Variants in WWOX observed in about 807,000 individuals in gnomAD.
WWOX encodes WW domain-containing oxidoreductase.
In WWOX, 69 loss-of-function variants were observed where a neutral mutation model predicts 46.2. The observed-to-expected ratio is 1.49, with a 90% CI of 1.23 to 1.82. The LOEUF (loss-of-function observed/expected upper bound fraction) is 1.82. Ranked by LOEUF, WWOX falls within the 40% of genes most tolerant of loss-of-function variation. The pLI, the probability that WWOX is intolerant of heterozygous loss-of-function variation, is 0.00. For synonymous variants in WWOX, 359 were observed against 202.6 expected, an observed-to-expected ratio of 1.77 and a Z score of -6.56; for missense variants, 919 against 542.6, an observed-to-expected ratio of 1.69 and a Z score of -6.89.
chr16:78,579,841 CTT>C (rs2045003654), intron 8 of WWOX, among the ~76,000 whole-genome samples: 1 of 152,162 alleles, frequency 6.6e-6, no homozygotes, highest in African/African-American at 2.4e-5. Flanking sequence ...GGAAATGTCT[CTT>C]CTTCTGAAAT....
chr16:78,725,243 C>T (rs1256464390), intron 8 of WWOX, among the ~76,000 whole-genome samples: 1 of 152,022 alleles, frequency 6.6e-6, no homozygotes, highest in African/African-American at 2.4e-5. Flanking sequence ...TGAGGTCTCC[C>T]CAGCCACGTG....
At chr16:78,910,568 C>T (rs982516274) in intron 8 of WWOX, among the ~76,000 whole-genome samples, 1 of 151,236 alleles carries the variant, frequency 6.6e-6, no homozygotes, top group African/African-American at 2.4e-5. Flanking sequence ...CTGAGAAAGA[C>T]ATACCCAAGA....
intron 5 of WWOX, among the ~76,000 whole-genome samples, chr16:78,328,644 A>T (rs1338552958): frequency 6.6e-6 from 1 of 152,192 alleles, no homozygotes; most frequent in African/African-American, 2.4e-5. Flanking sequence ...TAGTGCAATG[A>T]AAGTTACTAA....
At chr16:78,323,483 CAGTTTCTGCT>C (rs147350415) in intron 5 of WWOX, among the ~76,000 whole-genome samples, 4,211 of 152,200 alleles carry the variant, frequency 0.028, 189 homozygotes, top group South Asian at 0.17. Context: ...GGAGACCCAG[CAGTTTCTGCT>C]TTTTCTACCC....
intron 8 of WWOX, among the ~76,000 whole-genome samples, chr16:79,072,777 T>C (rs1183317408): frequency 6.6e-6 from 1 of 152,244 alleles, no homozygotes; most frequent in African/African-American, 2.4e-5. Context: ...ATATTTATCA[T>C]ACAACATAAT....
chr16:78,949,842 C>A (rs1283484075), intron 8 of WWOX, among the ~76,000 whole-genome samples: 1 of 152,246 alleles, frequency 6.6e-6, no homozygotes, highest in East Asian at 1.9e-4. Context: ...TCTGACATGT[C>A]ACTCCACATC....
At chr16:78,748,542 C>T (rs2049402740) in intron 8 of WWOX, among the ~76,000 whole-genome samples, 1 of 152,188 alleles carries the variant, frequency 6.6e-6, no homozygotes, top group South Asian at 2.1e-4. Flanking sequence ...GGCAGCAAGC[C>T]TGCTTTACCA....
intron 8 of WWOX, among the ~76,000 whole-genome samples, chr16:78,753,411 TGG>T (rs2049538008): frequency 6.6e-6 from 1 of 152,192 alleles, no homozygotes; most frequent in South Asian, 2.1e-4. Flanking sequence ...GTATTGGGGT[TGG>T]GAGGACCAGT....
intron 8 of WWOX, among the ~76,000 whole-genome samples, chr16:78,500,352 C>T (rs998783383): frequency 6.6e-6 from 1 of 152,220 alleles, no homozygotes. Context: ...TTTTACTCTG[C>T]ACAAAATACA....
At chr16:78,981,777 A>G (rs1431808495) in intron 8 of WWOX, 1 of 152,226 alleles carries the variant, frequency 6.6e-6, no homozygotes, top group African/African-American at 2.4e-5. Context: ...AGATACAACC[A>G]GCTCCGTTTC....
chr16:79,135,221 C>A (rs369888277), intron 8 of WWOX, among the ~76,000 whole-genome samples: 4 of 152,104 alleles, frequency 2.6e-5, no homozygotes, highest in Admixed American at 1.3e-4. Flanking sequence ...GATCCATACA[C>A]GTAAATATGC....
chr16:78,384,940 C>G (rs914274961), intron 5 of WWOX, among the ~76,000 whole-genome samples: 2 of 152,098 alleles, frequency 1.3e-5, no homozygotes, highest in African/African-American at 2.4e-5. Flanking sequence ...TTGAGACCAT[C>G]CTGGCCAACA....
chr16:78,287,939 C>T (rs2079796390), intron 5 of WWOX, among the ~76,000 whole-genome samples: 1 of 152,124 alleles, frequency 6.6e-6, no homozygotes, highest in Non-Finnish European at 1.5e-5. Context: ...TCTCTCTTTC[C>T]CTTTTATCAG....
chr16:78,330,292 C>A (rs145485938), intron 5 of WWOX, among the ~76,000 whole-genome samples: 1 of 151,920 alleles, frequency 6.6e-6, no homozygotes, highest in Admixed American at 6.6e-5. Flanking sequence ...AATTTTGTTA[C>A]GTATATTTTA....
At chr16:78,430,275 G>C in intron 7 of WWOX, among the ~76,000 whole-genome samples, 1 of 152,252 alleles carries the variant, frequency 6.6e-6, no homozygotes, top group Non-Finnish European at 1.5e-5. Flanking sequence ...TCTCCACCTG[G>C]CTCTGCCCTT....
At chr16:78,990,201 A>AAG (rs201589748) in intron 8 of WWOX, among the ~76,000 whole-genome samples, 4 of 150,154 alleles carry the variant, frequency 2.7e-5, no homozygotes, top group Non-Finnish European at 1.5e-5. Context: ...AAAAAAAAAA[A>AAG]AGAGAGAGAG....
intron 8 of WWOX, among the ~76,000 whole-genome samples, chr16:78,499,298 C>T (rs2084997466): frequency 1.3e-5 from 2 of 152,116 alleles, no homozygotes; most frequent in Non-Finnish European, 2.9e-5. Context: ...GGCCTTGCTT[C>T]TGGTGGTGGG....
chr16:78,210,474 G>GAC (rs532381377), intron 5 of WWOX, among the ~76,000 whole-genome samples: 2 of 151,832 alleles, frequency 1.3e-5, no homozygotes, highest in Non-Finnish European at 2.9e-5. Context: ...GTTGAAACCT[G>GAC]ACACACACAC....
At chr16:78,110,826 C>T (rs2032449194) in intron 3 of WWOX, among the ~76,000 whole-genome samples, 1 of 152,196 alleles carries the variant, frequency 6.6e-6, no homozygotes, top group South Asian at 2.1e-4. Flanking sequence ...AAGGATCCCA[C>T]AGCAAAGAAG....
Sources: gnomAD v4.1 joint callset for allele counts (sites outside exome capture counted in the v4.1 genomes callset) on GRCh38, gnomAD v4.1.1 for gene constraint, MANE v1.5 for transcripts, NCBI Gene and HGNC (gene_info 2026-07-23, HGNC 2026-07-21) for gene names.